The following SNX30 variants were observed in gnomAD, a reference collection of about 807,000 sequenced individuals.
The protein encoded by SNX30 is sorting nexin-30.
In SNX30, 24 loss-of-function variants were observed where a neutral mutation model predicts 46.4. That is an observed-to-expected ratio of 0.52 (90% CI 0.37 to 0.73). SNX30 has a LOEUF of 0.73. Among genes scored for constraint, SNX30 ranks in the 30% least tolerant of loss-of-function variants. The pLI is 0.00. For missense variants in SNX30, 533 were observed against 555.7 expected, an observed-to-expected ratio of 0.96 and a Z score of 0.41; for synonymous variants, 189 against 211.5, an observed-to-expected ratio of 0.89 and a Z score of 0.92.
intron 7 of SNX30, among the ~76,000 whole-genome samples, chr9:112,855,170 C>G (rs1484125358): frequency 6.6e-6 from 1 of 152,118 alleles, no homozygotes; most frequent in Non-Finnish European, 1.5e-5. Flanking sequence ...CTGTGCTTTG[C>G]CTGATGTGGT....
chr9:112,806,471 A>G (rs150385791), intron 2 of SNX30, among the ~76,000 whole-genome samples: 47 of 152,248 alleles, frequency 3.1e-4, no homozygotes, highest in African/African-American at 1.1e-3. Context: ...AGGCATTAAG[A>G]GAAGCTCTGA....
At chr9:112,827,507 C>G (rs368902877) in intron 3 of SNX30, among the ~76,000 whole-genome samples, 2 of 152,312 alleles carry the variant, frequency 1.3e-5, no homozygotes, top group African/African-American at 4.8e-5. Flanking sequence ...CCCTCATACT[C>G]CAAATACTTC....
In SNX30 at chr9:112,761,734, C is replaced by T. The variant is rs143077201; in HGVS notation, c.156+10577C>T. Among the ~76,000 whole-genome samples, 182 of 152,208 alleles carry T rather than the reference C, an allele frequency of 1.2e-3. 1 individual carries two copies. Among genetic ancestry groups the T allele is most frequent in the African/African-American group, 4.1e-3 (170 of 41,518 alleles). On this transcript the variant is annotated intron_variant, in intron 1 of 8. Transcript: ENST00000374232. The stretch of plus-strand genomic sequence containing the variant: ...ATGTGCGAGTGAAGTGTAAAGATGA[C>T]GTGGACACGGTTTCAAGTCAGGCAT...
Position 112,751,120 on chromosome 9 carries a change from G to C in SNX30, c.119G>C (p.Ser40Thr). 1 of 1,513,580 alleles carries C rather than the reference G, an allele frequency of 6.6e-7. No individual in the cohort carries two copies. The highest frequency in any genetic ancestry group is 1.3e-5 in the South Asian group (1 of 79,518). 93.8% of individuals were successfully genotyped at this position (1,513,580 alleles called of 1,614,324 possible). A position where few individuals can be genotyped will look rare whatever the true frequency, so the allele number is the denominator to read the frequency against. Residue 40 changes from serine (S) to threonine (T), a missense_variant, in exon 1 of 9, where the codon AGC (serine) becomes ACC (threonine). Around this residue, in one of 3 missense-constraint regions of SNX30, gnomAD observed 191 missense variants for 160.3 expected, o/e 1.19. Transcript: ENST00000374232. The part of the protein sequence containing the change: ...EEAVGGDSTP[S>T]PDLLMARSFG... ...GCCGTGGGTGGTGACAGCACGCCCAGCCCGGACCTGCTGATGGCCCGCAGC... is the reference window on the plus strand; with the variant it reads ...GCCGTGGGTGGTGACAGCACGCCCACCCCGGACCTGCTGATGGCCCGCAGC...
chr9:112,750,897 G>A lies in SNX30; in HGVS notation c.-105G>A, dbSNP rs1046974184. On this transcript the variant is annotated 5_prime_UTR_variant, in exon 1 of 9. Transcript: ENST00000374232. ...CCCAGCACGGCCGGTGCAAGGCCTC[G>A]GGTTAAGCGGCGGCCGAGCGGGGCT... The A allele has an allele frequency of 5.0e-4, 531 of 1,069,466 alleles. 1 individual carries two copies. The highest frequency in any genetic ancestry group is 6.0e-4 in the Non-Finnish European group (522 of 876,246). The allele number at this position is 1,069,466 out of a possible 1,614,324, so 66.2% of individuals were successfully genotyped here.
At position 112,775,141 on chromosome 9, in the gene SNX30, A is replaced by T. The variant is rs142982576; in HGVS notation, c.156+23984A>T. Among the ~76,000 whole-genome samples the T allele has an allele frequency of 1.2e-3, 171 of 147,354 alleles. 1 individual carries two copies. Among genetic ancestry groups the T allele is most frequent in the African/African-American group, 4.0e-3 (160 of 39,702 alleles). ...AGGTATGAGCCCCTGTGCCCAGCCTAAATTTTTTCTTTCTTTTTTTTTTTT... is the reference window on the plus strand; with the variant it reads ...AGGTATGAGCCCCTGTGCCCAGCCTTAATTTTTTCTTTCTTTTTTTTTTTT... On this transcript the variant is annotated intron_variant, in intron 1 of 8. Coordinates refer to ENST00000374232, the MANE Select transcript of SNX30 (RefSeq NM_001012994.2).
At chr9:112,885,002 G>A (rs959821654), downstream of SNX30, among the ~76,000 whole-genome samples, 2 of 152,168 alleles carry the variant, frequency 1.3e-5, no homozygotes, top group Non-Finnish European at 2.9e-5. Context: ...GGACTCATAC[G>A]AAAACAGGAA....
chr9:112,768,320 C>T (rs760188563), intron 1 of SNX30, among the ~76,000 whole-genome samples: 5 of 152,210 alleles, frequency 3.3e-5, no homozygotes, highest in South Asian at 2.1e-4. Context: ...TTTAGAACCT[C>T]GCTACTTAAT....
intron 2 of SNX30, among the ~76,000 whole-genome samples, chr9:112,807,099 C>T (rs1464797310): frequency 7.8e-6 from 1 of 128,352 alleles, no homozygotes; most frequent in Non-Finnish European, 1.6e-5. Context: ...GAGTCTCCCT[C>T]TGTCGCCCAG....
chr9:112,817,241 T>A (rs1325684055), intron 2 of SNX30, among the ~76,000 whole-genome samples: 1 of 152,094 alleles, frequency 6.6e-6, no homozygotes, highest in Non-Finnish European at 1.5e-5. Flanking sequence ...ACAATTTCTT[T>A]TCACAGATTT....
At chr9:112,767,027 T>A (rs1192618105) in intron 1 of SNX30, among the ~76,000 whole-genome samples, 1 of 152,204 alleles carries the variant, frequency 6.6e-6, no homozygotes. Flanking sequence ...GGACTCGTCA[T>A]ACTGTTTTCC....
intron 1 of SNX30, among the ~76,000 whole-genome samples, chr9:112,791,096 G>A (rs1474522161): frequency 6.6e-6 from 1 of 152,036 alleles, no homozygotes; most frequent in Non-Finnish European, 1.5e-5. Flanking sequence ...CCATTTTAAG[G>A]TATATAATTG....
chr9:112,787,574 G>A (rs960517701), intron 1 of SNX30, among the ~76,000 whole-genome samples: 3 of 152,014 alleles, frequency 2.0e-5, no homozygotes, highest in Admixed American at 6.6e-5. Context: ...AGAATCTGTC[G>A]TGATTTTTTT....
At chr9:112,878,719 C>G (rs1841543756), downstream of SNX30, 1 of 152,280 alleles carries the variant, frequency 6.6e-6, no homozygotes, top group Admixed American at 6.5e-5. Flanking sequence ...TTCTGTATCT[C>G]AGCACCTAGC....
In SNX30 at chr9:112,838,492, G is replaced by A. The variant is rs1840801629; in HGVS notation, c.815-6G>A. The A allele has an allele frequency of 6.2e-7, 1 of 1,606,328 alleles. No individual in the cohort carries two copies. The highest frequency in any genetic ancestry group is 8.5e-7 in the Non-Finnish European group (1 of 1,175,518). On this transcript the variant is annotated splice_polypyrimidine_tract_variant and splice_region_variant and intron_variant, in intron 5 of 8. Coordinates refer to ENST00000374232, the MANE Select transcript of SNX30 (RefSeq NM_001012994.2). ...AGATTTTAATTAGTTTCTGTTCCCT[G>A]TTCAGAGTACCTTGTGGAGCTGAGA...
intron 7 of SNX30, among the ~76,000 whole-genome samples, chr9:112,853,485 A>G (rs1238411053): frequency 6.6e-6 from 1 of 152,244 alleles, no homozygotes; most frequent in Non-Finnish European, 1.5e-5. Context: ...ATGACATAGG[A>G]TGATTTATTT....
At chr9:112,797,976 T>G (rs1840138109) in intron 1 of SNX30, among the ~76,000 whole-genome samples, 1 of 150,640 alleles carries the variant, frequency 6.6e-6, no homozygotes, top group Admixed American at 6.6e-5. Flanking sequence ...CCTCCCAAAG[T>G]GCTGTAATTA....
intron 3 of SNX30, among the ~76,000 whole-genome samples, chr9:112,825,883 A>C (rs1276720473): frequency 6.6e-6 from 1 of 152,132 alleles, no homozygotes; most frequent in African/African-American, 2.4e-5. Flanking sequence ...TCCCGTAAGG[A>C]ATCTTGAAAT....
At chr9:112,784,857 G>C (rs1706555731) in intron 1 of SNX30, among the ~76,000 whole-genome samples, 1 of 152,134 alleles carries the variant, frequency 6.6e-6, no homozygotes, top group Admixed American at 6.6e-5. Flanking sequence ...CTGGGCTCTA[G>C]TACACAGGTC....
Sources: allele counts gnomAD v4.1 joint callset (sites outside exome capture counted in the v4.1 genomes callset), GRCh38; gene constraint gnomAD v4.1.1; regional missense constraint gnomAD v4.1.1; transcripts MANE v1.5; gene names NCBI Gene and HGNC (gene_info 2026-07-23, HGNC 2026-07-21).